Variants in COL11A1 observed in about 807,000 individuals in gnomAD.
The protein encoded by COL11A1 is collagen type XI alpha 1 chain, also known as collagen alpha-1(XI) chain.
Under a neutral mutation model 265.2 loss-of-function variants are expected in COL11A1, and 74 were observed. The ratio of observed to expected loss-of-function variants is 0.28; its 90% CI spans 0.23 to 0.34. COL11A1 has a LOEUF of 0.34. COL11A1 is among the 10% of genes least tolerant of loss of function. The pLI, the probability that COL11A1 is intolerant of heterozygous loss-of-function variation, is 1.00. For synonymous variants in COL11A1, 816 were observed against 727.6 expected (o/e 1.12, Z -1.96); for missense variants, 2,165 against 2,263.6 (o/e 0.96, Z 0.88).
At chr1:103,004,361 A>T (rs543989296) in intron 20 of COL11A1, 83 bp downstream of exon 20, 2 of 1,024,014 alleles carry the variant, frequency 2.0e-6, no homozygotes, top group East Asian at 5.0e-5. Flanking sequence ...ACCTGGGTTT[A>T]TCATTGTTTT....
chr1:102,991,892 C>A (rs1214807851), intron 28 of COL11A1, among the ~76,000 whole-genome samples: 3 of 149,884 alleles, frequency 2.0e-5, no homozygotes, highest in Non-Finnish European at 2.9e-5. Context: ...GCCCAGGATG[C>A]TCTCTGTACT....
intron 65 of COL11A1, among the ~76,000 whole-genome samples, chr1:102,880,590 T>G (rs922812453): frequency 1.3e-5 from 2 of 152,304 alleles, no homozygotes; most frequent in South Asian, 4.1e-4. Context: ...TAGTCTCAGT[T>G]GTAATTTATT....
rs543468915 is a variant in COL11A1, at chr1:102,999,626, T to G, written c.2143-1263A>C. 1.4e-4 allele frequency among the ~76,000 whole-genome samples: 21 copies of G among 151,808 alleles called. No individual in the cohort carries two copies. The South Asian group carries it at 4.4e-3, about 31-fold the overall frequency. On this transcript the variant is annotated intron_variant, in intron 24 of 66. Coordinates refer to ENST00000370096, the MANE Select transcript of COL11A1 (RefSeq NM_001854.4). ...TCTATTTTAGTTAATTAACTTAAAT[T>G]TTATGAAATATTTTTACCAAAAATA... is the stretch of plus-strand genomic sequence containing the variant.
At chr1:102,975,754 G>C (rs1662406219) in intron 35 of COL11A1, among the ~76,000 whole-genome samples, 2 of 152,030 alleles carry the variant, frequency 1.3e-5, no homozygotes, top group African/African-American at 4.8e-5. Context: ...ATTTAGGGTA[G>C]GATTTATGTA....
intron 41 of COL11A1, among the ~76,000 whole-genome samples, 198 bp from the exon 42 acceptor site, chr1:102,947,154 T>C (rs1441376703): frequency 6.6e-6 from 1 of 152,150 alleles, no homozygotes; most frequent in Non-Finnish European, 1.5e-5. Context: ...ATATTAAGCA[T>C]AGATGTTGAT....
chr1:102,958,528 G>C (rs528262345), intron 41 of COL11A1, among the ~76,000 whole-genome samples: 1 of 151,848 alleles, frequency 6.6e-6, no homozygotes, highest in African/African-American at 2.4e-5. Flanking sequence ...ACTAAGGCTC[G>C]CTCAGCACTT....
intron 9 of COL11A1, among the ~76,000 whole-genome samples, chr1:103,019,832 C>G (rs78615735): frequency 6.7e-6 from 1 of 148,836 alleles, no homozygotes; most frequent in South Asian, 2.1e-4. Context: ...AGTGAGAATA[C>G]GCAGTGTTTG....
intron 57 of COL11A1, among the ~76,000 whole-genome samples, chr1:102,895,686 T>C (rs905055274): frequency 3.3e-5 from 5 of 151,842 alleles, no homozygotes; most frequent in Non-Finnish European, 7.4e-5. Flanking sequence ...GCCACTGTGT[T>C]ATCCACACTT....
At chr1:102,890,877 T>A (rs1277832660) in intron 57 of COL11A1, among the ~76,000 whole-genome samples, 1 of 151,896 alleles carries the variant, frequency 6.6e-6, no homozygotes, top group Non-Finnish European at 1.5e-5. Context: ...TTTATGATAT[T>A]TTTAGTAACA....
intron 29 of COL11A1, among the ~76,000 whole-genome samples, chr1:102,988,825 C>T (rs745661818): frequency 4.6e-5 from 7 of 152,118 alleles, no homozygotes; most frequent in South Asian, 2.1e-4. Context: ...CTCTTTTGTA[C>T]GTGGCTTTTA....
In COL11A1 at chr1:102,995,978, T is replaced by A. The variant is rs766535766; in HGVS notation, c.2295+11A>T. 1.9e-6 allele frequency: 3 copies of A among 1,613,202 alleles called. No homozygotes were observed. The highest frequency in any genetic ancestry group is 2.5e-6 in the Non-Finnish European group (3 of 1,179,568). ...TTGAAAGTAAATAATGTGAAAACAA[T>A]TTAACGTTACCTTTACTCCCCGGGG... On this transcript the variant is annotated intron_variant, in intron 27 of 66. Transcript: ENST00000370096.
chr1:103,007,952 GA>G (rs1442961864), intron 15 of COL11A1, among the ~76,000 whole-genome samples: 4 of 151,034 alleles, frequency 2.6e-5, no homozygotes, highest in Non-Finnish European at 5.9e-5. Flanking sequence ...ACTCCAGTCT[GA>G]AGGCATGGGC....
At chr1:103,064,551 C>A (rs1000011916) in intron 4 of COL11A1, among the ~76,000 whole-genome samples, 1 of 151,506 alleles carries the variant, frequency 6.6e-6, no homozygotes, top group Admixed American at 6.6e-5. Flanking sequence ...ATTAGCCAGG[C>A]GTGGTGGTGG....
At chr1:103,014,474 A>C (rs756910264) in intron 13 of COL11A1, 37 bp downstream of exon 13, 2 of 1,512,098 alleles carry the variant, frequency 1.3e-6, no homozygotes, top group Admixed American at 3.3e-5. Context: ...ATACAGAGTC[A>C]GTCATCTTGT....
chr1:103,008,022 T>A (rs958480655), intron 15 of COL11A1, among the ~76,000 whole-genome samples: 5 of 152,138 alleles, frequency 3.3e-5, no homozygotes, highest in Non-Finnish European at 5.9e-5. Flanking sequence ...CTTCCTTTGA[T>A]AACACATTTC....
intron 42 of COL11A1, among the ~76,000 whole-genome samples, chr1:102,945,592 A>T (rs1244674295): frequency 1.3e-5 from 2 of 152,204 alleles, no homozygotes; most frequent in Non-Finnish European, 2.9e-5. Flanking sequence ...TTAATTTTAT[A>T]TATCAATACT....
At chr1:103,054,016 T>G (rs967077783) in intron 4 of COL11A1, among the ~76,000 whole-genome samples, 1 of 152,186 alleles carries the variant, frequency 6.6e-6, no homozygotes, top group African/African-American at 2.4e-5. Flanking sequence ...TTTACCTGGG[T>G]GTGTGGTATC....
chr1:102,932,287 G>C (rs1657562320), intron 46 of COL11A1, among the ~76,000 whole-genome samples: 1 of 151,940 alleles, frequency 6.6e-6, no homozygotes, highest in Non-Finnish European at 1.5e-5. Flanking sequence ...GGGCAGGCCT[G>C]GTGGTGACAA....
chr1:102,959,720 G>A (rs745603352), intron 41 of COL11A1, among the ~76,000 whole-genome samples: 4 of 152,096 alleles, frequency 2.6e-5, no homozygotes, highest in Admixed American at 1.3e-4. Flanking sequence ...TACATTTAAT[G>A]TTATTCTACA....
Sources: gnomAD v4.1 joint callset for allele counts (sites outside exome capture counted in the v4.1 genomes callset) on GRCh38, gnomAD v4.1.1 for gene constraint, MANE v1.5 for transcripts, NCBI Gene and HGNC (gene_info 2026-07-23, HGNC 2026-07-21) for gene names.